SLC5A4: variants seen among roughly 807,000 people sequenced by gnomAD.
The protein encoded by SLC5A4 is solute carrier family 5 member 4, also known as probable glucose sensor protein SLC5A4.
SLC5A4 carries 55 observed loss-of-function variants against 70.3 expected under a neutral mutation model. That is an observed-to-expected ratio of 0.78 (90% CI 0.63 to 0.98). The LOEUF (loss-of-function observed/expected upper bound fraction) is 0.98, where lower values mean the gene tolerates loss of function less well. Among genes scored for constraint, SLC5A4 ranks in the 50% least tolerant of loss-of-function variants. The pLI is 0.00. For synonymous variants in SLC5A4, 268 were observed against 305.7 expected (o/e 0.88, Z 1.29); for missense variants, 735 against 839.2 (o/e 0.88, Z 1.53).
At chr22:32,305,904 C>G in the SLC5A4 span, among the ~76,000 whole-genome samples, 7 of 151,518 alleles carry the variant, frequency 4.6e-5, no homozygotes, top group Non-Finnish European at 5.9e-5. Context: ...CACTGTCACT[C>G]CTCTCTGACC....
intron 11 of SLC5A4, 61 bp from the exon 12 acceptor site, chr22:32,225,884 G>T: frequency 8.5e-7 from 1 of 1,181,342 alleles, no homozygotes; most frequent in Non-Finnish European, 1.2e-6. Flanking sequence ...CTTCCATTGT[G>T]CTTTAGTTCT....
chr22:32,234,817 TACAGACAC>T, intron 8 of SLC5A4, 48 bp downstream of exon 8: 6 of 1,291,784 alleles, frequency 4.6e-6, no homozygotes, highest in Non-Finnish European at 6.7e-6. Context: ...CATGCACACA[TACAGACAC>T]ACAGACAGAC....
the SLC5A4 span, chr22:32,272,559 GT>G: frequency 3.1e-6 from 2 of 645,164 alleles, no homozygotes; most frequent in Non-Finnish European, 5.7e-6. Context: ...GACCCTGGAG[GT>G]GTACAGCGTG....
At chr22:32,261,092 G>A in the SLC5A4 span, among the ~76,000 whole-genome samples, 1 of 151,270 alleles carries the variant, frequency 6.6e-6, no homozygotes, top group Non-Finnish European at 1.5e-5. Context: ...CACTAGAAAA[G>A]GCAGCCTCCC....
intron 5 of SLC5A4, among the ~76,000 whole-genome samples, chr22:32,243,107 A>G (rs1926630771): frequency 6.6e-6 from 1 of 152,234 alleles, no homozygotes; most frequent in Admixed American, 6.5e-5. Context: ...CCATTGAGGA[A>G]CAGACGGGCA....
chr22:32,248,513 C>T (rs62241061), intron 4 of SLC5A4, among the ~76,000 whole-genome samples: 1 of 152,146 alleles, frequency 6.6e-6, no homozygotes, highest in Non-Finnish European at 1.5e-5. Flanking sequence ...TTATCCCCAC[C>T]CCTAATTCCT....
chr22:32,228,557 C>T (rs992872440), intron 11 of SLC5A4, among the ~76,000 whole-genome samples: 2 of 148,376 alleles, frequency 1.3e-5, no homozygotes, highest in Non-Finnish European at 3.0e-5. Flanking sequence ...AAAAAAAATG[C>T]TATGACAATA....
intron 5 of SLC5A4, among the ~76,000 whole-genome samples, chr22:32,245,885 A>C (rs980596324): frequency 6.6e-6 from 1 of 152,200 alleles, no homozygotes; most frequent in Non-Finnish European, 1.5e-5. Context: ...GAGACTAGCA[A>C]GTCCAACGAT....
the SLC5A4 span, among the ~76,000 whole-genome samples, chr22:32,296,451 C>G: frequency 1.5e-5 from 1 of 67,738 alleles, no homozygotes; most frequent in African/African-American, 5.7e-5. Context: ...TGATTTGGCT[C>G]TCTGTCTGTT....
the SLC5A4 span, among the ~76,000 whole-genome samples, chr22:32,340,227 C>G: frequency 6.6e-6 from 1 of 152,196 alleles, no homozygotes; most frequent in Non-Finnish European, 1.5e-5. Context: ...CAATTTGTTA[C>G]AGCTGCTTAG....
chr22:32,336,005 A>G, the SLC5A4 span, among the ~76,000 whole-genome samples: 1 of 152,224 alleles, frequency 6.6e-6, no homozygotes, highest in African/African-American at 2.4e-5. Context: ...GTATTTTAGC[A>G]GTTAAGACCA....
At chr22:32,242,835 T>C (rs1926617235) in intron 5 of SLC5A4, among the ~76,000 whole-genome samples, 1 of 152,246 alleles carries the variant, frequency 6.6e-6, no homozygotes, top group African/African-American at 2.4e-5. Flanking sequence ...AGTAGCCTGC[T>C]GAATGCTGTC....
the SLC5A4 span, chr22:32,270,082 G>A: frequency 2.0e-6 from 1 of 501,980 alleles, no homozygotes; most frequent in Non-Finnish European, 3.8e-6. Flanking sequence ...GAAGCGAGTG[G>A]ACACATGGCC....
the SLC5A4 span, among the ~76,000 whole-genome samples, chr22:32,294,098 T>C: frequency 1.3e-5 from 2 of 152,142 alleles, no homozygotes; most frequent in African/African-American, 2.4e-5. Flanking sequence ...TGTGGCTTGA[T>C]GTCTTTCAGT....
the SLC5A4 span, among the ~76,000 whole-genome samples, chr22:32,325,377 G>A: frequency 6.6e-6 from 1 of 151,428 alleles, no homozygotes; most frequent in Non-Finnish European, 1.5e-5. Flanking sequence ...GGAGATTGGG[G>A]AAAAAGTGAT....
chr22:32,314,987 G>C, the SLC5A4 span, among the ~76,000 whole-genome samples: 1 of 152,190 alleles, frequency 6.6e-6, no homozygotes, highest in African/African-American at 2.4e-5. Flanking sequence ...TTCAAGATGA[G>C]CTTTGGGTAC....
chr22:32,315,064 TTAAAAATGG>T, the SLC5A4 span, among the ~76,000 whole-genome samples: 1 of 152,196 alleles, frequency 6.6e-6, no homozygotes, highest in South Asian at 2.1e-4. Flanking sequence ...AACTGTATAC[TTAAAAATGG>T]TTAAAATGGT....
the SLC5A4 span, among the ~76,000 whole-genome samples, chr22:32,300,747 G>T: frequency 6.6e-6 from 1 of 152,064 alleles, no homozygotes; most frequent in Non-Finnish European, 1.5e-5. Flanking sequence ...ACTTTTTATT[G>T]TTGCATAGTA....
At chr22:32,323,186 G>A in the SLC5A4 span, among the ~76,000 whole-genome samples, 35 of 152,246 alleles carry the variant, frequency 2.3e-4, 1 homozygote, top group South Asian at 7.3e-3. Flanking sequence ...GTCCACCATG[G>A]CGCCCTCCAG....
Sources: allele counts gnomAD v4.1 joint callset (sites outside exome capture counted in the v4.1 genomes callset), GRCh38; gene constraint gnomAD v4.1.1; transcripts MANE v1.5; gene names NCBI Gene and HGNC (gene_info 2026-07-23, HGNC 2026-07-21).